The following PURG variants were observed in gnomAD, a reference collection of about 807,000 sequenced individuals.
PURG encodes purine rich element binding protein G, also known as purine-rich element-binding protein gamma.
In PURG, 3 loss-of-function variants were observed where a neutral mutation model predicts 24.3. The ratio of observed to expected loss-of-function variants is 0.12; its 90% CI spans 0.06 to 0.32. PURG has a LOEUF of 0.32. Ranked by LOEUF, PURG falls within the 10% of genes least tolerant of loss-of-function variation. PURG has a pLI of 1.00. For synonymous variants in PURG, 180 were observed against 173.1 expected (o/e 1.04, Z -0.31); for missense variants, 371 against 439.1 (o/e 0.84, Z 1.39).
chr8:30,997,640 T>C (rs1313724023), intron 1 of PURG, among the ~76,000 whole-genome samples: 1 of 151,682 alleles, frequency 6.6e-6, no homozygotes, highest in Non-Finnish European at 1.5e-5. Flanking sequence ...AAATGTGTTT[T>C]TGTAAAAGTG....
intron 1 of PURG, among the ~76,000 whole-genome samples, chr8:31,018,364 T>C (rs1434885652): frequency 1.3e-5 from 2 of 152,206 alleles, no homozygotes; most frequent in Non-Finnish European, 2.9e-5. Flanking sequence ...ACAATTCACC[T>C]TTTCTGATTT....
At chr8:31,019,778 G>T (rs539584884) in intron 1 of PURG, among the ~76,000 whole-genome samples, 1 of 148,204 alleles carries the variant, frequency 6.7e-6, no homozygotes, top group South Asian at 2.3e-4. Context: ...TGATCCACCC[G>T]CCTCGGCCTC....
At chr8:31,000,133 T>C (rs1359321763) in intron 1 of PURG, among the ~76,000 whole-genome samples, 1 of 152,126 alleles carries the variant, frequency 6.6e-6, no homozygotes, top group Non-Finnish European at 1.5e-5. Context: ...GTCATTCCTA[T>C]AAAGTCCAGC....
chr8:31,029,726 GGCA>G (rs1811155344), downstream of PURG, among the ~76,000 whole-genome samples: 1 of 151,812 alleles, frequency 6.6e-6, no homozygotes, highest in Non-Finnish European at 1.5e-5. Flanking sequence ...ATTATTAATA[GGCA>G]CTATGATGGG....
chr8:31,026,944 G>T (rs1159008130), downstream of PURG, among the ~76,000 whole-genome samples: 1 of 151,304 alleles, frequency 6.6e-6, no homozygotes, highest in African/African-American at 2.4e-5. Context: ...CTAAATTTGG[G>T]TATATTTTCT....
At chr8:31,010,235 T>C (rs1184328545) in intron 1 of PURG, among the ~76,000 whole-genome samples, 3 of 152,258 alleles carry the variant, frequency 2.0e-5, no homozygotes, top group Non-Finnish European at 4.4e-5. Context: ...TAGAGGGCTA[T>C]TCTGCAAAGC....
chr8:31,032,257 T>C lies in PURG; in HGVS notation c.526A>G (p.Ile176Val). The change falls in exon 2 of 2, where the codon ATC becomes GTC. Residue 176 changes from isoleucine to valine, a missense_variant. This residue lies in a region of PURG where 213 missense variants were observed against 230.6 expected (regional missense o/e 0.92). Transcript: ENST00000523392. This position sits in a 1 kb window ranked among gnomAD's most constrained non-coding sequence, Gnocchi z 5.9. ...TAATATTTCCTATTGTCCCTCTCGA[T>C]ATAGTCTGTTTTCAGGACACTGTGA... The part of the protein sequence containing the change: ...HPHSVLKTDY[I>V]ERDNRKYYLD... The C allele has an allele frequency of 2.5e-6, 4 of 1,614,058 alleles. No homozygotes were observed. Among genetic ancestry groups the C allele is most frequent in the Non-Finnish European group, 3.4e-6 (4 of 1,179,990 alleles).
intron 1 of PURG, among the ~76,000 whole-genome samples, chr8:31,018,198 C>T (rs1208684902): frequency 1.3e-5 from 2 of 152,156 alleles, no homozygotes; most frequent in Admixed American, 6.5e-5. Context: ...AGAAGGATTT[C>T]TTTTCTTTAT....
chr8:31,023,465 A>G (rs1811036033), intron 1 of PURG, among the ~76,000 whole-genome samples: 1 of 152,114 alleles, frequency 6.6e-6, no homozygotes, highest in Middle Eastern at 3.4e-3. Flanking sequence ...GTGGCGGGGC[A>G]CTGCATAGCT....
intron 1 of PURG, among the ~76,000 whole-genome samples, chr8:31,022,470 T>C (rs1236010607): frequency 2.0e-5 from 3 of 152,218 alleles, no homozygotes; most frequent in African/African-American, 4.8e-5. Flanking sequence ...GTAACCCTTC[T>C]TTCTTACAGT....
chr8:30,996,482 C>G, exon 2 of PURG: 2 of 696,450 alleles, frequency 2.9e-6, no homozygotes, highest in Non-Finnish European at 4.8e-6. Flanking sequence ...TACTTGTCTT[C>G]CCTTCCGTGG....
rs772864161 is a variant in PURG at position 31,032,249 on chromosome 8, C to T, written c.534G>A (p.Arg178=). ...GGTCTAGGTAATATTTCCTATTGTC[C>T]CTCTCGATATAGTCTGTTTTCAGGA... ...HSVLKTDYIE[R]DNRKYYLDLK... Residue 178 remains arginine, a synonymous_variant, in exon 2 of 2, where the codon AGG becomes AGA. Transcript: ENST00000523392. The surrounding 1 kb of genome is among the most constrained non-coding windows in gnomAD (Gnocchi z 5.9). The T allele has an allele frequency of 1.1e-5, 17 of 1,614,070 alleles. No homozygotes were observed. In the South Asian group the frequency reaches 1.8e-4, roughly 17 times the overall value.
At chr8:30,999,038 C>A (rs2129765939) in intron 1 of PURG, among the ~76,000 whole-genome samples, 1 of 151,662 alleles carries the variant, frequency 6.6e-6, no homozygotes, top group African/African-American at 2.4e-5. Flanking sequence ...TACTGGTAAC[C>A]TAACAGAATG....
intron 1 of PURG, among the ~76,000 whole-genome samples, chr8:30,997,102 G>C (rs1017051009): frequency 3.3e-5 from 5 of 151,682 alleles, no homozygotes; most frequent in African/African-American, 1.2e-4. Flanking sequence ...ATTTTATGTT[G>C]TATATATTTA....
rs749647156 is a variant in PURG at position 30,996,661 on chromosome 8, G to C, written c.901C>G (p.Leu301Val). Residue 301 changes from leucine to valine, a missense_variant, in exon 2 of 2, where the codon CTT becomes GTT. By Grantham distance (32) the Leu-to-Val change is conservative (BLOSUM62 1). Transcript: ENST00000339382. The stretch of plus-strand genomic sequence containing the variant: ...TGCTTGATTTGACAACAGTGAAAAA[G>C]GTTGATATTCTCTCTGGATTTGGGG... 3 of 1,611,924 alleles carry C rather than the reference G, an allele frequency of 1.9e-6. No homozygotes were observed. In the South Asian group the frequency reaches 3.3e-5, roughly 18 times the overall value.
At chr8:31,027,383 GA>G (rs1411952734), downstream of PURG, among the ~76,000 whole-genome samples, 2 of 151,250 alleles carry the variant, frequency 1.3e-5, no homozygotes, top group Non-Finnish European at 3.0e-5. Flanking sequence ...AGATAAGAAG[GA>G]AAAAAAGCTC....
chr8:31,016,581 C>CAAAAAAAAAAAAAAAAAAAA lies in PURG; in HGVS notation c.864+15318_864+15337dup, dbSNP rs11433207. On this transcript the variant is annotated intron_variant, in intron 1 of 1. Coordinates refer to the PURG transcript ENST00000339382. ...GAAAGAATGCAAGTCTACCAAGAAC[C>CAAAAAAAAAAAAAAAAAAAA]AAAAAAAAAAAAAAAAAAAAAAAAA... Among the ~76,000 whole-genome samples the CAAAAAAAAAAAAAAAAAAAA allele has an allele frequency of 3.5e-4, 20 of 57,534 alleles. 3 individuals carry two copies. The highest frequency in any genetic ancestry group is 4.8e-4 in the Non-Finnish European group (16 of 33,000). The allele number at this position is 57,534 out of a possible 152,430, so 37.7% of individuals were successfully genotyped here. A position where few individuals can be genotyped will look rare whatever the true frequency, so the allele number is the denominator to read the frequency against.
intron 1 of PURG, among the ~76,000 whole-genome samples, chr8:30,997,185 A>G (rs1810445500): frequency 6.6e-6 from 1 of 151,876 alleles, no homozygotes; most frequent in East Asian, 1.9e-4. Context: ...CTATATTTGT[A>G]ATACATGCGT....
rs73228676 is a variant in PURG at position 31,017,489 on chromosome 8, C to T, written c.864+14430G>A. Among the ~76,000 whole-genome samples the T allele has an allele frequency of 5.7e-3, 858 of 151,718 alleles. 3 individuals carry two copies. Among genetic ancestry groups the T allele is most frequent in the Non-Finnish European group, 8.9e-3 (603 of 67,924 alleles). On this transcript the variant is annotated intron_variant, in intron 1 of 1. Transcript: ENST00000339382. ...TCTGGAGGAATAAAATTTGCTTAGCCAAATATTTAGAAATGTGCAATATAG... is the reference window on the plus strand; with the variant it reads ...TCTGGAGGAATAAAATTTGCTTAGCTAAATATTTAGAAATGTGCAATATAG...
Sources: gnomAD v4.1 joint callset for allele counts (sites outside exome capture counted in the v4.1 genomes callset) on GRCh38, gnomAD v4.1.1 for gene constraint, gnomAD v4.1.1 regional missense constraint, Gnocchi (gnomAD v3.1) non-coding constraint, MANE v1.5 for transcripts, NCBI Gene and HGNC (gene_info 2026-07-23, HGNC 2026-07-21) for gene names.